The following MYO5B variants were observed in gnomAD, a reference collection of about 807,000 sequenced individuals.
MYO5B encodes unconventional myosin-Vb.
MYO5B carries 143 observed loss-of-function variants against 229.3 expected under a neutral mutation model. That is an observed-to-expected ratio of 0.62 (90% CI 0.54 to 0.72). MYO5B has a LOEUF of 0.72. Ranked by LOEUF, MYO5B falls within the 30% of genes least tolerant of loss-of-function variation. The probability of loss-of-function intolerance (pLI) is 0.00; values close to 1 mark genes in which losing one functional copy is unlikely to be tolerated. For synonymous variants in MYO5B, 918 were observed against 885.2 expected, an observed-to-expected ratio of 1.04 and a Z score of -0.66; for missense variants, 2,321 against 2,331.0, an observed-to-expected ratio of 1.00 and a Z score of 0.09.
intron 1 of MYO5B, among the ~76,000 whole-genome samples, chr18:50,073,771 C>T (rs887646960): frequency 6.6e-6 from 1 of 152,046 alleles, no homozygotes; most frequent in African/African-American, 2.4e-5. Flanking sequence ...TAGTCTTTCC[C>T]ACCTCAGAAA....
intron 5 of MYO5B, 50 bp from the exon 6 acceptor site, chr18:49,992,481 G>A (rs767739589): frequency 1.2e-6 from 2 of 1,613,280 alleles, no homozygotes; most frequent in South Asian, 2.2e-5. Flanking sequence ...GGGCTTTCTT[G>A]ATTTCAGGAT....
chr18:50,122,818 G>T (rs1045779279), intron 1 of MYO5B, among the ~76,000 whole-genome samples: 3 of 152,094 alleles, frequency 2.0e-5, no homozygotes, highest in African/African-American at 7.2e-5. Context: ...AGAAAATAAG[G>T]TGTCAACAAA....
At chr18:50,126,669 T>A (rs529830257) in intron 1 of MYO5B, 1 of 154,846 alleles carries the variant, frequency 6.5e-6, no homozygotes, top group Admixed American at 6.5e-5. Flanking sequence ...ACAGCAGTCA[T>A]GCGTGAATCA....
chr18:49,964,083 C>T (rs2025594174), intron 10 of MYO5B, among the ~76,000 whole-genome samples: 1 of 152,186 alleles, frequency 6.6e-6, no homozygotes, highest in African/African-American at 2.4e-5. Flanking sequence ...AGTTTTGTGA[C>T]AAATTCTTTG....
At chr18:49,950,070 C>T (rs1631334) in intron 14 of MYO5B, among the ~76,000 whole-genome samples, 35,252 of 152,108 alleles carry the variant, frequency 0.23, 5,846 homozygotes, top group African/African-American at 0.47. Flanking sequence ...ACAATCTTTG[C>T]TTTCTGTCTT....
intron 16 of MYO5B, 133 bp from the exon 17 acceptor site, chr18:49,929,731 T>C (rs2144195606): frequency 2.5e-6 from 2 of 797,762 alleles, no homozygotes; most frequent in South Asian, 3.0e-5. Context: ...GCCACTGAGT[T>C]ACCCTTGAGC....
chr18:49,887,683 GTTTCT>G (rs1056575678), intron 22 of MYO5B, among the ~76,000 whole-genome samples: 21 of 152,092 alleles, frequency 1.4e-4, no homozygotes, highest in African/African-American at 5.1e-4. Flanking sequence ...AGCCACAGGT[GTTTCT>G]TTTGTTTTTT....
At position 49,856,814 on chromosome 18, in the gene MYO5B, T is replaced by C. The variant is rs1337437703; in HGVS notation, c.4021A>G (p.Arg1341Gly). 2.5e-6 allele frequency: 4 copies of C among 1,612,630 alleles called. No individual in the cohort carries two copies. Among genetic ancestry groups the C allele is most frequent in the Admixed American group, 1.7e-5 (1 of 60,034 alleles). Residue 1341 changes from arginine to glycine, a missense_variant and splice_region_variant, in exon 30 of 40, where the codon AGG becomes GGG. Physicochemically the swap from Arg to Gly is moderately radical, Grantham distance 125. Coordinates refer to ENST00000285039, the MANE Select transcript of MYO5B (RefSeq NM_001080467.3). ...LAYQGLKQVA[R>G]LLEAQLQAQS... Reference sequence around the variant, plus strand: ...CAGGAAGAAAGGAATATGTTCCACCTGGCAACTTGCTTTAGGCCTTGGTAG... The same window carrying C: ...CAGGAAGAAAGGAATATGTTCCACCCGGCAACTTGCTTTAGGCCTTGGTAG...
chr18:50,114,134 T>A (rs2031915621), intron 1 of MYO5B, among the ~76,000 whole-genome samples: 1 of 152,122 alleles, frequency 6.6e-6, no homozygotes, highest in Non-Finnish European at 1.5e-5. Context: ...GCAGTTGCAA[T>A]GAGGAGATGG....
intron 7 of MYO5B, 60 bp from the exon 8 acceptor site, chr18:49,984,885 T>C: frequency 2.4e-6 from 3 of 1,248,216 alleles, no homozygotes; most frequent in Non-Finnish European, 3.5e-6. Flanking sequence ...CCACAGATCG[T>C]GACCCATGAA....
At chr18:49,944,561 T>C (rs1172200416) in intron 14 of MYO5B, among the ~76,000 whole-genome samples, 2 of 152,080 alleles carry the variant, frequency 1.3e-5, no homozygotes, top group African/African-American at 4.8e-5. Context: ...GATATGACCC[T>C]GCAACTTGAT....
intron 16 of MYO5B, among the ~76,000 whole-genome samples, chr18:49,934,018 G>C (rs950194248): frequency 1.3e-5 from 2 of 152,106 alleles, no homozygotes; most frequent in African/African-American, 4.8e-5. Context: ...TGGGACTATA[G>C]GCATGCACCA....
At chr18:49,897,901 C>A (rs1448111965) in intron 21 of MYO5B, among the ~76,000 whole-genome samples, 4 of 152,200 alleles carry the variant, frequency 2.6e-5, no homozygotes, top group Non-Finnish European at 5.9e-5. Context: ...CCCTACACAT[C>A]TTCCAGGCCT....
intron 17 of MYO5B, among the ~76,000 whole-genome samples, chr18:49,927,006 T>C (rs2025135198): frequency 6.6e-6 from 1 of 152,112 alleles, no homozygotes; most frequent in Admixed American, 6.5e-5. Flanking sequence ...TGCTAGGGAC[T>C]GGGGGAGAGA....
At chr18:50,040,474 C>T (rs553348340) in intron 2 of MYO5B, among the ~76,000 whole-genome samples, 160 bp from the exon 3 acceptor site, 3 of 152,268 alleles carry the variant, frequency 2.0e-5, no homozygotes, top group East Asian at 3.9e-4. Context: ...ACCTGTGTTG[C>T]CATGAGAGAC....
chr18:49,961,797 TCCCACCAGGTA>T (rs2025562603), intron 12 of MYO5B, among the ~76,000 whole-genome samples: 1 of 152,118 alleles, frequency 6.6e-6, no homozygotes, highest in Admixed American at 6.5e-5. Flanking sequence ...ACTCACCCCA[TCCCACCAGGTA>T]CAGCCCCTCA....
At chr18:49,875,565 C>A in intron 26 of MYO5B, 122 bp downstream of exon 26, 1 of 1,341,830 alleles carries the variant, frequency 7.5e-7, no homozygotes, top group Non-Finnish European at 1.1e-6. Context: ...AAGTAGGAGC[C>A]CTCTGAGACT....
chr18:50,016,497 T>C (rs1023296460), intron 4 of MYO5B, among the ~76,000 whole-genome samples: 3 of 152,234 alleles, frequency 2.0e-5, no homozygotes, highest in Non-Finnish European at 2.9e-5. Flanking sequence ...TTCTTTACAA[T>C]GTGTATTATT....
intron 1 of MYO5B, among the ~76,000 whole-genome samples, chr18:50,130,746 A>C (rs889251715): frequency 6.6e-6 from 1 of 151,974 alleles, no homozygotes; most frequent in African/African-American, 2.4e-5. Context: ...GATGCCACAA[A>C]CTCTTCCCTG....
Sources: gnomAD v4.1 joint callset for allele counts (sites outside exome capture counted in the v4.1 genomes callset) on GRCh38, gnomAD v4.1.1 for gene constraint, MANE v1.5 for transcripts, NCBI Gene and HGNC (gene_info 2026-07-23, HGNC 2026-07-21) for gene names.